The following FIP1L1 variants were observed in gnomAD, a reference collection of about 807,000 sequenced individuals.
FIP1L1 encodes the protein factor interacting with PAPOLA and CPSF1.
FIP1L1 carries 21 observed loss-of-function variants against 84.6 expected under a neutral mutation model. The observed-to-expected ratio is 0.25, with a 90% CI of 0.18 to 0.36. The LOEUF is 0.36. Among genes scored for constraint, FIP1L1 ranks in the 10% least tolerant of loss-of-function variants. The pLI is 1.00. For synonymous variants in FIP1L1, 263 were observed against 242.3 expected, an observed-to-expected ratio of 1.09 and a Z score of -0.80; for missense variants, 526 against 751.1, an observed-to-expected ratio of 0.70 and a Z score of 3.50.
At chr4:53,444,250 T>C in intron 15 of FIP1L1, 147 bp downstream of exon 15, 2 of 517,816 alleles carry the variant, frequency 3.9e-6, no homozygotes, top group Non-Finnish European at 6.9e-6. Flanking sequence ...TCTATGTATC[T>C]GCCAGGTTAG....
chr4:53,409,471 T>C (rs1322631456), intron 10 of FIP1L1, among the ~76,000 whole-genome samples: 2 of 152,196 alleles, frequency 1.3e-5, no homozygotes, highest in African/African-American at 2.4e-5. Flanking sequence ...GAGGAGGCAG[T>C]CTGCCCGTTC....
At chr4:53,404,187 A>T (rs1223536214) in intron 10 of FIP1L1, among the ~76,000 whole-genome samples, 2 of 107,476 alleles carry the variant, frequency 1.9e-5, no homozygotes, top group Non-Finnish European at 3.5e-5. Flanking sequence ...CAGTCCCCAG[A>T]GTGTGATGTT....
chr4:53,377,707 A>C lies in FIP1L1; in HGVS notation c.-132A>C. The stretch of plus-strand genomic sequence containing the variant: ...CCGCCGCTGCCGTCGCCTTCCTGGG[A>C]TTGGAGTCTCGAGCTTTCTTCGTTC... On this transcript the variant is annotated 5_prime_UTR_variant, in exon 1 of 18. Coordinates refer to ENST00000337488, the MANE Select transcript of FIP1L1 (RefSeq NM_030917.4). 11 of 767,518 alleles carry C rather than the reference A, an allele frequency of 1.4e-5. No individual in the cohort carries two copies. Among genetic ancestry groups the C allele is most frequent in the African/African-American group, 1.8e-5 (1 of 55,464 alleles). The allele number at this position is 767,518 out of a possible 1,614,324, so 47.5% of individuals were successfully genotyped here. A position where few individuals can be genotyped will look rare whatever the true frequency, so the allele number is the denominator to read the frequency against.
At chr4:53,420,067 G>A (rs1761555639) in intron 11 of FIP1L1, among the ~76,000 whole-genome samples, 2 of 151,708 alleles carry the variant, frequency 1.3e-5, no homozygotes, top group African/African-American at 2.4e-5. Flanking sequence ...GCGCGGTGGC[G>A]AGCGCCTGTA....
intron 3 of FIP1L1, among the ~76,000 whole-genome samples, 178 bp downstream of exon 3, chr4:53,379,442 A>G (rs1357718940): frequency 2.0e-5 from 3 of 152,218 alleles, no homozygotes; most frequent in African/African-American, 4.8e-5. Context: ...TCTTACGCCA[A>G]TTCTATTTGT....
In FIP1L1 at chr4:53,391,156, C is replaced by A. The variant is rs566721397; in HGVS notation, c.636+17C>A. 6.3e-7 allele frequency: 1 copy of A among 1,590,620 alleles called. No individual in the cohort carries two copies. The highest frequency in any genetic ancestry group is 1.9e-5 in the Admixed American group (1 of 53,484). ...AAAATTACGGTAATTAATAAATACTCCGGAATACCCTTGGCTTGTCTACCG... is the reference window on the plus strand; with the variant it reads ...AAAATTACGGTAATTAATAAATACTACGGAATACCCTTGGCTTGTCTACCG... On this transcript the variant is annotated intron_variant, in intron 8 of 17. Transcript: ENST00000337488.
intron 10 of FIP1L1, among the ~76,000 whole-genome samples, chr4:53,413,900 C>T (rs1393214487): frequency 6.6e-6 from 1 of 152,060 alleles, no homozygotes; most frequent in African/African-American, 2.4e-5. Context: ...TCTTTCATTC[C>T]TGTCAGAACA....
At chr4:53,459,230 G>C (rs1721144872) in intron 17 of FIP1L1, 72 bp from the exon 18 acceptor site, 1 of 1,062,040 alleles carries the variant, frequency 9.4e-7, no homozygotes, top group South Asian at 1.6e-5. Context: ...AATTTCCTTA[G>C]AGTGATTGGA....
intron 16 of FIP1L1, among the ~76,000 whole-genome samples, chr4:53,453,416 A>G (rs1717172245): frequency 6.6e-6 from 1 of 152,124 alleles, no homozygotes; most frequent in East Asian, 1.9e-4. Flanking sequence ...AGTTGACCAT[A>G]TAGATATTTC....
At chr4:53,445,996 C>G (rs1406734804) in intron 15 of FIP1L1, among the ~76,000 whole-genome samples, 1 of 151,976 alleles carries the variant, frequency 6.6e-6, no homozygotes, top group Non-Finnish European at 1.5e-5. Flanking sequence ...GAATAGACTC[C>G]GAAGGATTTA....
At chr4:53,425,399 C>T (rs1763928244) in intron 11 of FIP1L1, among the ~76,000 whole-genome samples, 1 of 151,792 alleles carries the variant, frequency 6.6e-6, no homozygotes, top group Non-Finnish European at 1.5e-5. Flanking sequence ...TGTTTTTTAA[C>T]ACTTGGAATA....
At chr4:53,449,477 G>A (rs1220487232) in intron 15 of FIP1L1, among the ~76,000 whole-genome samples, 1 of 152,008 alleles carries the variant, frequency 6.6e-6, no homozygotes, top group Admixed American at 6.6e-5. Flanking sequence ...ACTTGCCCAT[G>A]ATTGATTATC....
intron 16 of FIP1L1, among the ~76,000 whole-genome samples, chr4:53,457,790 AAAAG>A (rs1190963655): frequency 1.3e-5 from 2 of 152,174 alleles, no homozygotes; most frequent in African/African-American, 4.8e-5. Context: ...TAAAAAAAGA[AAAAG>A]GAAGAAATAA....
Position 53,408,596 on chromosome 4 carries a change from A to G in FIP1L1, c.816-6019A>G, listed in dbSNP as rs906502884. Among the ~76,000 whole-genome samples, 13 of 152,194 alleles carry G rather than the reference A, an allele frequency of 8.5e-5. 1 individual carries two copies. Among genetic ancestry groups the G allele is most frequent in the Admixed American group, 6.5e-4 (10 of 15,272 alleles). ...ATAATATCCTGCAGAGTATTTTGCAACTTGGTTCCATTCTCCCCGTCACTT... is the reference window on the plus strand; with the variant it reads ...ATAATATCCTGCAGAGTATTTTGCAGCTTGGTTCCATTCTCCCCGTCACTT... On this transcript the variant is annotated intron_variant, in intron 10 of 17. Transcript: ENST00000337488.
chr4:53,407,954 C>G (rs1468283326), intron 10 of FIP1L1, among the ~76,000 whole-genome samples: 3 of 152,136 alleles, frequency 2.0e-5, no homozygotes, highest in Non-Finnish European at 4.4e-5. Flanking sequence ...ATCCAATTTG[C>G]CAGTCTGTGT....
intron 9 of FIP1L1, among the ~76,000 whole-genome samples, chr4:53,393,241 G>A (rs4864759): frequency 0.69 from 105,584 of 151,992 alleles, 36,731 homozygotes; most frequent in Middle Eastern, 0.72. Context: ...GCCATACTAT[G>A]GGACTAAAAT....
chr4:53,414,466 A>C (rs1269470744), intron 10 of FIP1L1, 149 bp from the exon 11 acceptor site: 1 of 534,948 alleles, frequency 1.9e-6, no homozygotes, highest in Non-Finnish European at 3.4e-6. Context: ...TTAGTACCAC[A>C]GCAAGTAGTT....
rs1192239715 is a variant in FIP1L1 at position 53,424,993 on chromosome 4, T to TC, written c.924-878dup. Among the ~76,000 whole-genome samples the TC allele has an allele frequency of 2.6e-5, 4 of 152,220 alleles. No homozygotes were observed. In the East Asian group the frequency reaches 7.7e-4, roughly 29 times the overall value. ...GTTATTTGTCATTTTAGGAGCCTAA[T>TC]CTAGTGACTGTGGAAGGATCTATGG... On this transcript the variant is annotated intron_variant, in intron 11 of 17. Transcript: ENST00000337488.
At chr4:53,415,611 T>G (rs2149779204) in intron 11 of FIP1L1, among the ~76,000 whole-genome samples, 1 of 152,216 alleles carries the variant, frequency 6.6e-6, no homozygotes, top group South Asian at 2.1e-4. Flanking sequence ...TGCAATTATT[T>G]TAATTTAAAA....
Sources: allele counts gnomAD v4.1 joint callset (sites outside exome capture counted in the v4.1 genomes callset), GRCh38; gene constraint gnomAD v4.1.1; transcripts MANE v1.5; gene names NCBI Gene and HGNC (gene_info 2026-07-23, HGNC 2026-07-21).